CHD6: variants seen among roughly 807,000 people sequenced by gnomAD.
CHD6 encodes the protein chromodomain helicase DNA binding protein 6, also known as ATP-dependent chromatin remodeler CHD6.
In CHD6, 50 loss-of-function variants were observed where a neutral mutation model predicts 276.9. The observed-to-expected ratio is 0.18, with a 90% CI of 0.14 to 0.23. The LOEUF (loss-of-function observed/expected upper bound fraction) is 0.23, where lower values mean the gene tolerates loss of function less well. Among genes scored for constraint, CHD6 ranks in the 10% least tolerant of loss-of-function variants. The pLI is 1.00. For missense variants in CHD6, 2,564 were observed against 3,365.8 expected (o/e 0.76, Z 5.89); for synonymous variants, 1,173 against 1,229.3 (o/e 0.95, Z 0.96).
rs141006305 is a variant in CHD6 at position 41,532,350 on chromosome 20, A to T, written c.554+700T>A. Among the ~76,000 whole-genome samples, 33 of 152,308 alleles carry T rather than the reference A, an allele frequency of 2.2e-4. No individual in the cohort carries two copies. In the East Asian group the frequency reaches 6.4e-3, roughly 29 times the overall value. ...CACTCAGAGCTTGGAACCTAGGGGA[A>T]CCTAGTCAGTCCTCATCTATCTGGA... On this transcript the variant is annotated intron_variant, in intron 3 of 36. Coordinates refer to ENST00000373233, the MANE Select transcript of CHD6 (RefSeq NM_032221.5).
In CHD6 at chr20:41,405,144, C is replaced by T. The variant is rs1413926907; in HGVS notation, c.7597G>A (p.Gly2533Ser). The T allele has an allele frequency of 3.7e-6, 6 of 1,614,196 alleles. No individual in the cohort carries two copies. Among genetic ancestry groups the T allele is most frequent in the Non-Finnish European group, 5.1e-6 (6 of 1,180,028 alleles). Reference sequence around the variant, plus strand: ...GGTGGACTGAGGAGTCCCCCAACACCAAACATCTGGGGCACAGCAGCCATG... The same window carrying T: ...GGTGGACTGAGGAGTCCCCCAACACTAAACATCTGGGGCACAGCAGCCATG... ...PGMAAVPQMF[G>S]VGGLLSPPMA... The change falls in exon 37 of 37, where the codon GGT becomes AGT. Residue 2533 changes from glycine (G) to serine (S), a missense_variant. Transcript: ENST00000373233.
intron 2 of CHD6, among the ~76,000 whole-genome samples, chr20:41,544,065 C>A (rs934090667): frequency 2.0e-5 from 3 of 152,044 alleles, no homozygotes; most frequent in African/African-American, 7.2e-5. Flanking sequence ...AATAGTGAAA[C>A]CCTGTCTCTA....
intron 26 of CHD6, among the ~76,000 whole-genome samples, chr20:41,438,274 T>C (rs1600857102): frequency 6.6e-6 from 1 of 152,170 alleles, no homozygotes; most frequent in East Asian, 1.9e-4. Context: ...GATGCCTACC[T>C]GTTTTTCATG....
intron 2 of CHD6, among the ~76,000 whole-genome samples, chr20:41,535,040 T>C (rs2044796283): frequency 6.6e-6 from 1 of 152,046 alleles, no homozygotes; most frequent in South Asian, 2.1e-4. Context: ...GTGTACAGAC[T>C]GAAAAAGGAT....
At chr20:41,517,526 G>A (rs547589586) in intron 3 of CHD6, among the ~76,000 whole-genome samples, 2 of 152,296 alleles carry the variant, frequency 1.3e-5, no homozygotes, top group South Asian at 4.1e-4. Flanking sequence ...TTTAACAAGG[G>A]ACTTGTACCC....
intron 3 of CHD6, among the ~76,000 whole-genome samples, chr20:41,519,566 A>G (rs952260080): frequency 5.9e-5 from 9 of 152,176 alleles, no homozygotes; most frequent in African/African-American, 2.2e-4. Flanking sequence ...AATTCTACAA[A>G]CTGCAGGAAA....
intron 2 of CHD6, among the ~76,000 whole-genome samples, chr20:41,534,272 A>G (rs6102453): frequency 0.49 from 74,007 of 152,062 alleles, 19,814 homozygotes; most frequent in African/African-American, 0.72. Context: ...CTAAGAAGAC[A>G]GTTACAATCA....
intron 3 of CHD6, among the ~76,000 whole-genome samples, chr20:41,519,169 G>A (rs1056830540): frequency 8.5e-5 from 13 of 152,186 alleles, no homozygotes; most frequent in African/African-American, 2.9e-4. Flanking sequence ...TGTGGTCCCC[G>A]CTACTTGGGA....
At position 41,504,077 on chromosome 20, in the gene CHD6, C is replaced by CAAAAAAAAAAAAAAAAAAA. The variant is rs1189323419; in HGVS notation, c.853-4739_853-4721dup. 1.6e-3 allele frequency among the ~76,000 whole-genome samples: 43 copies of CAAAAAAAAAAAAAAAAAAA among 27,094 alleles called. 4 individuals are homozygous for CAAAAAAAAAAAAAAAAAAA. The highest frequency in any genetic ancestry group is 6.0e-3 in the South Asian group (3 of 500). The allele number at this position is 27,094 out of a possible 152,430, so 17.8% of individuals were successfully genotyped here. A position where few individuals can be genotyped will look rare whatever the true frequency, so the allele number is the denominator to read the frequency against. ...TGGGTGATAGAGTGAGACTCTGTCT[C>CAAAAAAAAAAAAAAAAAAA]AAAAAAAAAAAAAAAAAAAAAAAAA... On this transcript the variant is annotated intron_variant, in intron 5 of 36. Transcript: ENST00000373233.
chr20:41,446,107 C>T (rs558178233), intron 24 of CHD6, among the ~76,000 whole-genome samples: 62 of 152,254 alleles, frequency 4.1e-4, no homozygotes, highest in Non-Finnish European at 7.5e-4. Flanking sequence ...ACAGCAAAGG[C>T]CATTGATATA....
intron 1 of CHD6, among the ~76,000 whole-genome samples, chr20:41,592,057 C>A (rs1200321087): frequency 3.9e-5 from 6 of 152,158 alleles, no homozygotes; most frequent in African/African-American, 1.4e-4. Flanking sequence ...CGAGATCGTG[C>A]CGCTGCACTC....
intron 25 of CHD6, among the ~76,000 whole-genome samples, chr20:41,442,152 C>A (rs528961506): frequency 3.9e-5 from 6 of 152,180 alleles, no homozygotes; most frequent in South Asian, 4.2e-4. Flanking sequence ...ACTAAAAGAT[C>A]CACAATCCCA....
intron 16 of CHD6, among the ~76,000 whole-genome samples, chr20:41,481,506 G>T (rs6124351): frequency 0.35 from 53,100 of 151,808 alleles, 9,662 homozygotes; most frequent in African/African-American, 0.45. Flanking sequence ...ATTAAAGAGA[G>T]AATAATTTTG....
At chr20:41,530,254 C>G (rs538828372) in intron 3 of CHD6, among the ~76,000 whole-genome samples, 1 of 152,082 alleles carries the variant, frequency 6.6e-6, no homozygotes, top group African/African-American at 2.4e-5. Flanking sequence ...GGAGAAAAGG[C>G]GATCTGATTT....
intron 3 of CHD6, among the ~76,000 whole-genome samples, chr20:41,531,741 A>G (rs1328088289): frequency 1.3e-5 from 2 of 152,220 alleles, no homozygotes; most frequent in Non-Finnish European, 1.5e-5. Context: ...TGGATTAAGA[A>G]ACTATCCATC....
chr20:41,508,366 G>A (rs924552055), intron 5 of CHD6, among the ~76,000 whole-genome samples: 1 of 152,032 alleles, frequency 6.6e-6, no homozygotes, highest in African/African-American at 2.4e-5. Flanking sequence ...GATCTAACAC[G>A]GGAGTTAAAA....
intron 1 of CHD6, among the ~76,000 whole-genome samples, chr20:41,590,492 A>G (rs2045645296): frequency 6.6e-6 from 1 of 152,264 alleles, no homozygotes; most frequent in Admixed American, 6.5e-5. Flanking sequence ...TCCAGAATCT[A>G]CAAAGAACTC....
intron 36 of CHD6, among the ~76,000 whole-genome samples, chr20:41,406,567 A>G (rs372006040): frequency 4.6e-5 from 7 of 152,204 alleles, no homozygotes; most frequent in African/African-American, 1.7e-4. Flanking sequence ...TCTGCAGGGC[A>G]GAGAGGATGC....
chr20:41,417,604 A>G (rs951093709), intron 31 of CHD6, among the ~76,000 whole-genome samples: 1 of 152,212 alleles, frequency 6.6e-6, no homozygotes, highest in Non-Finnish European at 1.5e-5. Context: ...CCAACACAAG[A>G]AAAGAGAAAG....
Sources: allele counts gnomAD v4.1 joint callset (sites outside exome capture counted in the v4.1 genomes callset), GRCh38; gene constraint gnomAD v4.1.1; transcripts MANE v1.5; gene names NCBI Gene and HGNC (gene_info 2026-07-23, HGNC 2026-07-21).